The following SLC24A3 variants were observed in gnomAD, a reference collection of about 807,000 sequenced individuals.
The protein encoded by SLC24A3 is sodium/potassium/calcium exchanger 3.
SLC24A3 carries 28 observed loss-of-function variants against 75.8 expected under a neutral mutation model. The observed-to-expected ratio is 0.37, with a 90% CI of 0.27 to 0.51. SLC24A3 has a LOEUF of 0.51. Ranked by LOEUF, SLC24A3 falls within the 20% of genes least tolerant of loss-of-function variation. The probability of loss-of-function intolerance (pLI) is 0.94; values close to 1 mark genes in which losing one functional copy is unlikely to be tolerated. For synonymous variants in SLC24A3, 372 were observed against 334.1 expected (o/e 1.11, Z -1.24); for missense variants, 663 against 847.8 (o/e 0.78, Z 2.71).
In SLC24A3 at chr20:19,673,384, G is replaced by C. The variant is rs540187617; in HGVS notation, c.714-217G>C. On this transcript the variant is annotated intron_variant, in intron 8 of 16. Coordinates refer to ENST00000328041, the MANE Select transcript of SLC24A3 (RefSeq NM_020689.4). ...TAGGTGACAAATAACAGAGAGGAAGGGGCATTTTCCCTTTAGGTGAGGAGA... is the reference window on the plus strand; with the variant it reads ...TAGGTGACAAATAACAGAGAGGAAGCGGCATTTTCCCTTTAGGTGAGGAGA... 7.9e-5 allele frequency among the ~76,000 whole-genome samples: 12 copies of C among 152,296 alleles called. No individual in the cohort carries two copies. In the East Asian group the frequency reaches 2.3e-3, roughly 29 times the overall value.
At chr20:19,644,234 G>A (rs1051583085) in intron 6 of SLC24A3, among the ~76,000 whole-genome samples, 3 of 152,114 alleles carry the variant, frequency 2.0e-5, no homozygotes, top group Non-Finnish European at 4.4e-5. Flanking sequence ...TCACGGGGAG[G>A]GCCGTGGACC....
At chr20:19,620,910 A>G (rs1286461214) in intron 6 of SLC24A3, among the ~76,000 whole-genome samples, 11 of 152,278 alleles carry the variant, frequency 7.2e-5, no homozygotes, top group Admixed American at 6.5e-4. Context: ...TTTTCAAGGG[A>G]CCTGAGTTTT....
chr20:19,585,529 G>T lies in SLC24A3; in HGVS notation c.597G>T (p.Gly199=). The stretch of plus-strand genomic sequence containing the variant: ...TCCTGTGCATCATTGGTGTCTGTGG[G>T]CTCTTTGCTGGGCAGGTAAGACTGG... The part of the protein sequence containing the change: ...FNILCIIGVC[G]LFAGQVVALS... The change falls in exon 6 of 17, where the codon GGG becomes GGT. Residue 199 remains glycine (G), a synonymous_variant. Transcript: ENST00000328041. The T allele has an allele frequency of 6.2e-7, 1 of 1,614,046 alleles. No individual in the cohort carries two copies. The highest frequency in any genetic ancestry group is 1.1e-5 in the South Asian group (1 of 91,054).
intron 6 of SLC24A3, among the ~76,000 whole-genome samples, chr20:19,628,468 G>C (rs1275780047): frequency 6.6e-6 from 1 of 152,096 alleles, no homozygotes; most frequent in Non-Finnish European, 1.5e-5. Flanking sequence ...AGACACATTG[G>C]AGGAGGGAAG....
chr20:19,373,034 G>T (rs1986017814), intron 2 of SLC24A3, among the ~76,000 whole-genome samples: 1 of 148,972 alleles, frequency 6.7e-6, no homozygotes, highest in Non-Finnish European at 1.5e-5. Context: ...GAGAAATAAA[G>T]AAAGAAAGAA....
chr20:19,540,929 A>C (rs368457181), intron 3 of SLC24A3, among the ~76,000 whole-genome samples: 7 of 152,330 alleles, frequency 4.6e-5, no homozygotes, highest in Non-Finnish European at 8.8e-5. Context: ...TGAAATGTCT[A>C]AATGTTGGTG....
chr20:19,677,556 C>T (rs917508898), intron 9 of SLC24A3, among the ~76,000 whole-genome samples: 5 of 152,074 alleles, frequency 3.3e-5, no homozygotes, highest in Non-Finnish European at 4.4e-5. Context: ...CATCCACACC[C>T]TATTCACTTC....
At position 19,721,346 on chromosome 20, in the gene SLC24A3, T is replaced by C. The variant is rs2033103335; in HGVS notation, c.*206T>C. 1 of 537,170 alleles carries C rather than the reference T, an allele frequency of 1.9e-6. No individual in the cohort carries two copies. The highest frequency in any genetic ancestry group is 3.2e-6 in the Non-Finnish European group (1 of 309,212). 33.3% of individuals were successfully genotyped at this position (537,170 alleles called of 1,614,324 possible). Reference sequence around the variant, plus strand: ...CCTTGGGTCATGCCCACCCACCCTTTCCTGCCTCCTCCGTGTGAAGACATC... The same window carrying C: ...CCTTGGGTCATGCCCACCCACCCTTCCCTGCCTCCTCCGTGTGAAGACATC... On this transcript the variant is annotated 3_prime_UTR_variant, in exon 17 of 17. Coordinates refer to ENST00000328041, the MANE Select transcript of SLC24A3 (RefSeq NM_020689.4).
Position 19,556,297 on chromosome 20 carries a change from A to C in SLC24A3, c.349-23703A>C, listed in dbSNP as rs372648938. 4.7e-4 allele frequency among the ~76,000 whole-genome samples: 71 copies of C among 152,308 alleles called. No homozygotes were observed. The Middle Eastern group carries it at 0.01, about 22-fold the overall frequency. Reference sequence around the variant, plus strand: ...TCCTTCTCTATGTGCCTTAGGCATAAGGAAAATCCAAAAATAAAATTCTTT... The same window carrying C: ...TCCTTCTCTATGTGCCTTAGGCATACGGAAAATCCAAAAATAAAATTCTTT... On this transcript the variant is annotated intron_variant, in intron 3 of 16. Transcript: ENST00000328041.
intron 2 of SLC24A3, among the ~76,000 whole-genome samples, chr20:19,467,753 C>T (rs552260287): frequency 6.6e-5 from 10 of 151,962 alleles, no homozygotes; most frequent in East Asian, 1.9e-4. Context: ...TAGTGGTGCA[C>T]GCCTGTAATC....
chr20:19,657,879 C>A (rs1414904846), intron 7 of SLC24A3, among the ~76,000 whole-genome samples: 1 of 152,140 alleles, frequency 6.6e-6, no homozygotes, highest in Non-Finnish European at 1.5e-5. Context: ...TACTAAGTTT[C>A]TCTATAGGAC....
At chr20:19,639,690 C>T (rs1354152137) in intron 6 of SLC24A3, among the ~76,000 whole-genome samples, 1 of 152,202 alleles carries the variant, frequency 6.6e-6, no homozygotes, top group Non-Finnish European at 1.5e-5. Context: ...GGGCGGCGCT[C>T]AATGGGGAGG....
chr20:19,607,843 T>C (rs2031618263), intron 6 of SLC24A3, among the ~76,000 whole-genome samples: 1 of 152,254 alleles, frequency 6.6e-6, no homozygotes, highest in South Asian at 2.1e-4. Context: ...TGACGTTGCC[T>C]CTTGCCTGAA....
At chr20:19,252,730 G>T (rs886657108) in intron 1 of SLC24A3, among the ~76,000 whole-genome samples, 1 of 151,546 alleles carries the variant, frequency 6.6e-6, no homozygotes, top group Non-Finnish European at 1.5e-5. Flanking sequence ...TGTCTCACTG[G>T]ATTGTGTAAA....
intron 1 of SLC24A3, among the ~76,000 whole-genome samples, chr20:19,260,712 G>T (rs1170492239): frequency 1.3e-5 from 2 of 152,140 alleles, no homozygotes. Context: ...AAAGATTGAG[G>T]CTATGAGACT....
At chr20:19,584,919 C>G in intron 4 of SLC24A3, 52 bp from the exon 5 acceptor site, 2 of 1,551,364 alleles carry the variant, frequency 1.3e-6, no homozygotes, top group Non-Finnish European at 8.8e-7. Flanking sequence ...AGTCACCTCT[C>G]TTCCGAGATG....
chr20:19,271,332 A>T (rs1600403729), intron 1 of SLC24A3, among the ~76,000 whole-genome samples: 4 of 152,268 alleles, frequency 2.6e-5, no homozygotes, highest in African/African-American at 9.6e-5. Flanking sequence ...AAAAATAAAA[A>T]AAAAAAAAGA....
At chr20:19,233,204 G>A (rs945843963) in intron 1 of SLC24A3, among the ~76,000 whole-genome samples, 3 of 152,202 alleles carry the variant, frequency 2.0e-5, no homozygotes, top group African/African-American at 7.2e-5. Context: ...GGGTGGGGAG[G>A]GTCTCTCCCC....
intron 1 of SLC24A3, among the ~76,000 whole-genome samples, chr20:19,219,884 T>A (rs1313235114): frequency 2.0e-5 from 3 of 152,208 alleles, no homozygotes; most frequent in African/African-American, 7.2e-5. Context: ...GAGGAGGTTG[T>A]CAGATGGCAC....
Sources: gnomAD v4.1 joint callset for allele counts (sites outside exome capture counted in the v4.1 genomes callset) on GRCh38, gnomAD v4.1.1 for gene constraint, MANE v1.5 for transcripts, NCBI Gene and HGNC (gene_info 2026-07-23, HGNC 2026-07-21) for gene names.